The following LNP1 variants were observed in gnomAD, a reference collection of about 807,000 sequenced individuals.
LNP1 encodes the protein leukemia NUP98 fusion partner 1.
A neutral mutation model predicts 14.5 loss-of-function variants in LNP1; 12 were observed. That is an observed-to-expected ratio of 0.83 (90% CI 0.53 to 1.34). LNP1 has a LOEUF of 1.34. Ranked by LOEUF, LNP1 falls within the 40% of genes most tolerant of loss-of-function variation. LNP1 has a pLI of 0.00. For missense variants in LNP1, 198 were observed against 210.9 expected, an observed-to-expected ratio of 0.94 and a Z score of 0.38; for synonymous variants, 75 against 71.4, an observed-to-expected ratio of 1.05 and a Z score of -0.26.
At chr3:100,411,378 A>T (rs965281782) in intron 1 of LNP1, among the ~76,000 whole-genome samples, 2 of 152,192 alleles carry the variant, frequency 1.3e-5, no homozygotes, top group Non-Finnish European at 2.9e-5. Context: ...ATTGGACCTT[A>T]AGCTTTAGAG....
chr3:100,451,570 G>A, intron 2 of LNP1, 149 bp from the exon 3 acceptor site: 3 of 594,812 alleles, frequency 5.0e-6, no homozygotes, highest in Admixed American at 3.1e-5. Context: ...TTAGTGATTT[G>A]GGGGCCTCAA....
chr3:100,455,788 C>T lies in LNP1; in HGVS notation c.399C>T (p.Ser133=), dbSNP rs144103312. The part of the protein sequence containing the change: ...TKRSASLGPE[S]RKERNERECL... ...TCTTTCCCTTTCAGGGACCTGAAAG[C>T]AGAAAGGAGAGAAATGAAAGAGAAT... The change falls in exon 4 of 4, where the codon AGC becomes AGT. Residue 133 remains serine, a synonymous_variant. Coordinates refer to ENST00000383693, the MANE Select transcript of LNP1 (RefSeq NM_001085451.2). The T allele has an allele frequency of 1.5e-3, 2,471 of 1,613,766 alleles. 35 individuals carry two copies. The African/African-American group carries it at 0.03, about 20-fold the overall frequency.
At chr3:100,428,377 C>T (rs1707213593) in intron 1 of LNP1, among the ~76,000 whole-genome samples, 1 of 151,730 alleles carries the variant, frequency 6.6e-6, no homozygotes, top group Admixed American at 6.6e-5. Context: ...ACTTAAAATA[C>T]AAAAATTAGC....
intron 1 of LNP1, among the ~76,000 whole-genome samples, chr3:100,421,062 T>A (rs753601890): frequency 1.4e-4 from 21 of 152,284 alleles, no homozygotes; most frequent in Admixed American, 3.3e-4. Context: ...CACTGGAGCC[T>A]CAATCTCCTG....
intron 1 of LNP1, among the ~76,000 whole-genome samples, chr3:100,428,235 A>G (rs1707212324): frequency 6.6e-6 from 1 of 152,194 alleles, no homozygotes; most frequent in Admixed American, 6.5e-5. Context: ...TTGTTATAAG[A>G]AAATTAGCAT....
At chr3:100,415,504 A>G (rs1707074222) in intron 1 of LNP1, among the ~76,000 whole-genome samples, 1 of 152,230 alleles carries the variant, frequency 6.6e-6, no homozygotes, top group South Asian at 2.1e-4. Context: ...CAAGGATGTC[A>G]AAAAATGGAA....
At chr3:100,431,253 A>G (rs1366426699) in intron 2 of LNP1, among the ~76,000 whole-genome samples, 2 of 152,228 alleles carry the variant, frequency 1.3e-5, no homozygotes, top group Non-Finnish European at 2.9e-5. Context: ...TTTAGCATCT[A>G]TGGAGCTTTT....
chr3:100,442,499 G>A (rs1294946050), intron 2 of LNP1, among the ~76,000 whole-genome samples: 2 of 152,148 alleles, frequency 1.3e-5, no homozygotes, highest in Admixed American at 6.6e-5. Flanking sequence ...ATCTGGAAAG[G>A]CAGGACAACT....
At position 100,426,150 on chromosome 3, in the gene LNP1, C is replaced by G. The variant is rs184748261; in HGVS notation, c.-33-3547C>G. 3.7e-3 allele frequency among the ~76,000 whole-genome samples: 559 copies of G among 152,300 alleles called. 7 individuals carry two copies. The highest frequency in any genetic ancestry group is 5.6e-3 in the Non-Finnish European group (380 of 68,016). On this transcript the variant is annotated intron_variant, in intron 1 of 3. Transcript: ENST00000383693. ...ATTTCTGGTGCAACTAGTTCGGTTTCAAATGGTCCTATCAAAGAGCAAGCC... is the reference window on the plus strand; with the variant it reads ...ATTTCTGGTGCAACTAGTTCGGTTTGAAATGGTCCTATCAAAGAGCAAGCC...
chr3:100,435,587 G>A (rs1707286613), intron 2 of LNP1, among the ~76,000 whole-genome samples: 1 of 152,162 alleles, frequency 6.6e-6, no homozygotes, highest in Non-Finnish European at 1.5e-5. Context: ...AAAGCTTATA[G>A]CCTGCAAGTT....
chr3:100,440,239 A>G (rs1273951030), intron 2 of LNP1, among the ~76,000 whole-genome samples: 1 of 152,224 alleles, frequency 6.6e-6, no homozygotes, highest in Non-Finnish European at 1.5e-5. Flanking sequence ...TTAAAGCCCT[A>G]TAGCTAAGTG....
chr3:100,430,117 C>G (rs919408114), intron 2 of LNP1, among the ~76,000 whole-genome samples: 5 of 152,152 alleles, frequency 3.3e-5, no homozygotes, highest in African/African-American at 1.2e-4. Flanking sequence ...TCTGAGATAT[C>G]TTTAACTACT....
intron 2 of LNP1, among the ~76,000 whole-genome samples, chr3:100,443,882 C>T (rs1707365571): frequency 6.6e-6 from 1 of 152,110 alleles, no homozygotes; most frequent in African/African-American, 2.4e-5. Flanking sequence ...AGAGAGAAAA[C>T]AAATATGCTC....
intron 1 of LNP1, among the ~76,000 whole-genome samples, chr3:100,413,291 G>T (rs1046782777): frequency 6.6e-6 from 1 of 152,140 alleles, no homozygotes; most frequent in Non-Finnish European, 1.5e-5. Flanking sequence ...AATCCTGATG[G>T]TTTCTGCATT....
intron 2 of LNP1, among the ~76,000 whole-genome samples, chr3:100,442,741 A>G (rs989585804): frequency 6.6e-6 from 1 of 152,184 alleles, no homozygotes; most frequent in Non-Finnish European, 1.5e-5. Flanking sequence ...GGGGGCCCCA[A>G]GATTATTTTT....
chr3:100,428,073 G>T (rs1052059990), intron 1 of LNP1, among the ~76,000 whole-genome samples: 3 of 152,152 alleles, frequency 2.0e-5, no homozygotes, highest in African/African-American at 7.2e-5. Flanking sequence ...ATACTGGCAG[G>T]ATGGTGGAAA....
intron 2 of LNP1, among the ~76,000 whole-genome samples, chr3:100,435,541 T>C (rs2148904911): frequency 6.6e-6 from 1 of 152,338 alleles, no homozygotes; most frequent in South Asian, 2.1e-4. Flanking sequence ...ATGCAGTGTA[T>C]ACATTTAGAA....
At chr3:100,430,915 C>T (rs1707236877) in intron 2 of LNP1, among the ~76,000 whole-genome samples, 1 of 152,146 alleles carries the variant, frequency 6.6e-6, no homozygotes, top group South Asian at 2.1e-4. Flanking sequence ...AATCGTCAAC[C>T]CTTCTTTCAG....
At chr3:100,453,261 G>A (rs1438781979) in intron 3 of LNP1, among the ~76,000 whole-genome samples, 3 of 152,004 alleles carry the variant, frequency 2.0e-5, no homozygotes, top group Non-Finnish European at 4.4e-5. Context: ...GAGGAACAAG[G>A]AAGGGAGAAT....
Sources: gnomAD v4.1 joint callset for allele counts (sites outside exome capture counted in the v4.1 genomes callset) on GRCh38, gnomAD v4.1.1 for gene constraint, MANE v1.5 for transcripts, NCBI Gene and HGNC (gene_info 2026-07-23, HGNC 2026-07-21) for gene names.